CTNND2: variants seen among roughly 807,000 people sequenced by gnomAD.
The protein encoded by CTNND2 is catenin delta-2.
Under a neutral mutation model 144.4 loss-of-function variants are expected in CTNND2, and 22 were observed. The ratio of observed to expected loss-of-function variants is 0.15; its 90% CI spans 0.11 to 0.22. CTNND2 has a LOEUF of 0.22. Ranked by LOEUF, CTNND2 falls within the 10% of genes least tolerant of loss-of-function variation. CTNND2 has a pLI of 1.00. For synonymous variants in CTNND2, 751 were observed against 695.6 expected (o/e 1.08, Z -1.25); for missense variants, 1,353 against 1,618.8 (o/e 0.84, Z 2.82).
chr5:11,429,268 T>A (rs969071115), intron 3 of CTNND2, among the ~76,000 whole-genome samples: 4 of 152,250 alleles, frequency 2.6e-5, no homozygotes, highest in Non-Finnish European at 5.9e-5. Context: ...ATTGCCATAT[T>A]TCATTCACTC....
At chr5:11,789,654 G>C (rs900124253) in intron 1 of CTNND2, among the ~76,000 whole-genome samples, 1 of 151,876 alleles carries the variant, frequency 6.6e-6, no homozygotes, top group Non-Finnish European at 1.5e-5. Flanking sequence ...GGTTTTCTGG[G>C]TATATAGACT....
chr5:10,997,233 CACG>C (rs1739444475), intron 18 of CTNND2, among the ~76,000 whole-genome samples: 3 of 152,176 alleles, frequency 2.0e-5, no homozygotes, highest in Non-Finnish European at 4.4e-5. Flanking sequence ...TTACCAAAAA[CACG>C]TTCAGGATGG....
chr5:11,139,094 G>A (rs1756442826), intron 12 of CTNND2, among the ~76,000 whole-genome samples: 2 of 151,966 alleles, frequency 1.3e-5, no homozygotes, highest in African/African-American at 2.4e-5. Context: ...CTGAGTAGCT[G>A]GGATTACAGC....
At chr5:11,742,288 T>C (rs1561752966) in intron 1 of CTNND2, among the ~76,000 whole-genome samples, 2 of 152,166 alleles carry the variant, frequency 1.3e-5, no homozygotes, top group Admixed American at 1.3e-4. Flanking sequence ...TCCCTTTTTA[T>C]CTTTTAGTTT....
chr5:11,643,696 A>G (rs1782191852), intron 2 of CTNND2, among the ~76,000 whole-genome samples: 1 of 152,174 alleles, frequency 6.6e-6, no homozygotes, highest in Non-Finnish European at 1.5e-5. Flanking sequence ...ACTGTAATTT[A>G]TTAAACTTTA....
intron 2 of CTNND2, among the ~76,000 whole-genome samples, chr5:11,688,234 G>A (rs914394165): frequency 6.6e-6 from 1 of 152,102 alleles, no homozygotes; most frequent in Admixed American, 6.5e-5. Flanking sequence ...TCTGCCCCCA[G>A]AGGACATCTG....
chr5:11,831,465 G>A (rs371595626), intron 1 of CTNND2, among the ~76,000 whole-genome samples: 166 of 152,008 alleles, frequency 1.1e-3, no homozygotes, highest in African/African-American at 3.9e-3. Context: ...TCAGGAGATC[G>A]AGACCATCCT....
In CTNND2 at chr5:11,291,135, G is replaced by A. The variant is rs527685740; in HGVS notation, c.1629-54312C>T. Among the ~76,000 whole-genome samples the A allele has an allele frequency of 1.4e-3, 210 of 152,130 alleles. 1 individual carries two copies. The highest frequency in any genetic ancestry group is 4.5e-3 in the African/African-American group (187 of 41,526). Reference sequence around the variant, plus strand: ...CTGCCACTCCCACACTCCTGACTGCGGTCCATATCTACCCTGGGGATTCGT... The same window carrying A: ...CTGCCACTCCCACACTCCTGACTGCAGTCCATATCTACCCTGGGGATTCGT... On this transcript the variant is annotated intron_variant, in intron 9 of 21. Coordinates refer to ENST00000304623, the MANE Select transcript of CTNND2 (RefSeq NM_001332.4).
intron 15 of CTNND2, among the ~76,000 whole-genome samples, chr5:11,098,127 GGTTCT>G (rs2149665245): frequency 7.2e-6 from 1 of 138,174 alleles, no homozygotes; most frequent in South Asian, 2.4e-4. Context: ...AAACATAAGG[GGTTCT>G]TTTCTTTTCT....
chr5:11,620,874 G>A (rs2561593), intron 2 of CTNND2, among the ~76,000 whole-genome samples: 3,756 of 152,130 alleles, frequency 0.025, 149 homozygotes, highest in African/African-American at 0.086. Flanking sequence ...TCTGGATGTC[G>A]AATACCTGAA....
intron 9 of CTNND2, among the ~76,000 whole-genome samples, chr5:11,275,412 G>T (rs1177657709): frequency 6.6e-6 from 1 of 152,218 alleles, no homozygotes; most frequent in Non-Finnish European, 1.5e-5. Context: ...ATAGCAGCCA[G>T]TGAGGTGAGC....
At position 11,636,897 on chromosome 5, in the gene CTNND2, G is replaced by A. The variant is rs573053219; in HGVS notation, c.175-71841C>T. Among the ~76,000 whole-genome samples, 10 of 152,230 alleles carry A rather than the reference G, an allele frequency of 6.6e-5. No individual in the cohort carries two copies. In the South Asian group the frequency reaches 2.1e-3, roughly 32 times the overall value. On this transcript the variant is annotated intron_variant, in intron 2 of 21. Transcript: ENST00000304623. ...AAGTTGGAGGCAATCCCACACATGG[G>A]CTTTTATGCATTTAGAATTTATTTC...
intron 16 of CTNND2, among the ~76,000 whole-genome samples, chr5:11,073,413 C>T (rs1229130567): frequency 6.6e-6 from 1 of 152,330 alleles, no homozygotes; most frequent in East Asian, 1.9e-4. Flanking sequence ...GTTAGGTCGG[C>T]TCTCCGTCTC....
At chr5:11,034,877 T>G (rs993324396) in intron 16 of CTNND2, among the ~76,000 whole-genome samples, 8 of 152,060 alleles carry the variant, frequency 5.3e-5, no homozygotes, top group African/African-American at 1.9e-4. Context: ...TTTTTTAAAT[T>G]TATTATTATT....
chr5:11,040,703 C>G (rs1435564374), intron 16 of CTNND2, among the ~76,000 whole-genome samples: 1 of 151,980 alleles, frequency 6.6e-6, no homozygotes, highest in Non-Finnish European at 1.5e-5. Context: ...CCTTTTTGAA[C>G]TAGAAATAAA....
chr5:11,035,007 T>A (rs1213540810), intron 16 of CTNND2, among the ~76,000 whole-genome samples: 4 of 147,592 alleles, frequency 2.7e-5, no homozygotes, highest in African/African-American at 7.5e-5. Context: ...TATCTCCCAA[T>A]GCTATCCCTC....
chr5:11,350,572 T>C (rs1011433575), intron 8 of CTNND2, among the ~76,000 whole-genome samples: 4 of 152,158 alleles, frequency 2.6e-5, no homozygotes, highest in Non-Finnish European at 5.9e-5. Flanking sequence ...AAATCCATGC[T>C]TTAAACTTCT....
chr5:11,857,460 G>A (rs1795303553), intron 1 of CTNND2, among the ~76,000 whole-genome samples: 2 of 152,192 alleles, frequency 1.3e-5, no homozygotes, highest in South Asian at 4.1e-4. Flanking sequence ...CCTCCTGCAC[G>A]AGAGCCGGAC....
chr5:11,765,446 T>C (rs1041268118), intron 1 of CTNND2, among the ~76,000 whole-genome samples: 1 of 152,058 alleles, frequency 6.6e-6, no homozygotes, highest in Non-Finnish European at 1.5e-5. Flanking sequence ...GAAAAGAACC[T>C]TAGATGATGA....
Sources: gnomAD v4.1 joint callset for allele counts (sites outside exome capture counted in the v4.1 genomes callset) on GRCh38, gnomAD v4.1.1 for gene constraint, MANE v1.5 for transcripts, NCBI Gene and HGNC (gene_info 2026-07-23, HGNC 2026-07-21) for gene names.